SESTD1: variants seen among roughly 807,000 people sequenced by gnomAD.
The protein encoded by SESTD1 is SEC14 and spectrin domain containing 1, also known as SEC14 domain and spectrin repeat-containing protein 1.
A neutral mutation model predicts 101.7 loss-of-function variants in SESTD1; 43 were observed. The ratio of observed to expected loss-of-function variants is 0.42; its 90% CI spans 0.33 to 0.55. SESTD1 has a LOEUF of 0.55. SESTD1 is among the 20% of genes least tolerant of loss of function. SESTD1 has a pLI of 0.07. For missense variants in SESTD1, 647 were observed against 815.1 expected (o/e 0.79, Z 2.51); for synonymous variants, 283 against 286.8 (o/e 0.99, Z 0.13).
Position 179,151,395 on chromosome 2 carries a change from TA to T in SESTD1, c.370-5del. The T allele has an allele frequency of 2.5e-6, 4 of 1,580,106 alleles. No homozygotes were observed. Among genetic ancestry groups the T allele is most frequent in the East Asian group, 4.5e-5 (2 of 44,028 alleles). On this transcript the variant is annotated splice_region_variant and splice_polypyrimidine_tract_variant and intron_variant, in intron 5 of 17. Coordinates refer to ENST00000428443, the MANE Select transcript of SESTD1 (RefSeq NM_178123.5). ...TGTTGGCGGACACTAAAATAACCTA[TA>T]AAAAGGTTAAAAGAAAAGAAACATT... is the stretch of plus-strand genomic sequence containing the variant.
At chr2:179,188,246 G>T (rs1438447260) in intron 2 of SESTD1, among the ~76,000 whole-genome samples, 2 of 152,134 alleles carry the variant, frequency 1.3e-5, no homozygotes, top group African/African-American at 4.8e-5. Flanking sequence ...AGATCACAGT[G>T]TAACAGAAAT....
chr2:179,229,622 G>C (rs1220291730), intron 1 of SESTD1, among the ~76,000 whole-genome samples: 1 of 151,480 alleles, frequency 6.6e-6, no homozygotes, highest in Non-Finnish European at 1.5e-5. Flanking sequence ...ATACAAACAA[G>C]GACGGCGGTA....
chr2:179,207,561 G>T (rs2046605877), intron 1 of SESTD1, among the ~76,000 whole-genome samples: 1 of 134,830 alleles, frequency 7.4e-6, no homozygotes, highest in Non-Finnish European at 1.6e-5. Flanking sequence ...GACATCACAG[G>T]ACTCTTTGCA....
At chr2:179,257,167 T>C (rs2047409061) in intron 1 of SESTD1, among the ~76,000 whole-genome samples, 2 of 151,608 alleles carry the variant, frequency 1.3e-5, no homozygotes, top group Admixed American at 6.6e-5. Context: ...TTCTATGTCA[T>C]AGAATGAGGG....
intron 10 of SESTD1, among the ~76,000 whole-genome samples, chr2:179,127,478 C>T (rs17363267): frequency 6.6e-6 from 1 of 152,132 alleles, no homozygotes; most frequent in South Asian, 2.1e-4. Context: ...ACATTAATCA[C>T]TGTAGATTTA....
intron 1 of SESTD1, among the ~76,000 whole-genome samples, chr2:179,231,075 C>T (rs1350216998): frequency 6.6e-6 from 1 of 152,108 alleles, no homozygotes; most frequent in Non-Finnish European, 1.5e-5. Context: ...TTCCACCCAA[C>T]CTGTACTACC....
At chr2:179,139,848 C>T (rs563619886) in intron 9 of SESTD1, among the ~76,000 whole-genome samples, 1 of 152,140 alleles carries the variant, frequency 6.6e-6, no homozygotes, top group East Asian at 1.9e-4. Context: ...CAGAACTCCT[C>T]GAAGAGATGG....
At position 179,143,811 on chromosome 2, in the gene SESTD1, A is replaced by T. The variant is rs1375712987; in HGVS notation, c.638-8T>A. The T allele has an allele frequency of 1.2e-6, 2 of 1,609,582 alleles. No individual in the cohort carries two copies. Among genetic ancestry groups the T allele is most frequent in the Non-Finnish European group, 1.7e-6 (2 of 1,178,904 alleles). On this transcript the variant is annotated splice_region_variant and splice_polypyrimidine_tract_variant and intron_variant, in intron 8 of 17. Coordinates refer to ENST00000428443, the MANE Select transcript of SESTD1 (RefSeq NM_178123.5). ...CGGACAACAATTCATGCCCTTTACA[A>T]ATAAAAGATACTTGAAATTAATATC...
chr2:179,246,495 C>T (rs116251396), intron 1 of SESTD1, among the ~76,000 whole-genome samples: 86 of 152,148 alleles, frequency 5.7e-4, no homozygotes, highest in African/African-American at 2.0e-3. Flanking sequence ...CTCTCTTTCT[C>T]TCTCTCTCAA....
At chr2:179,110,774 A>G (rs1332358156) in intron 17 of SESTD1, among the ~76,000 whole-genome samples, 1 of 152,194 alleles carries the variant, frequency 6.6e-6, no homozygotes, top group Non-Finnish European at 1.5e-5. Context: ...TTACCATTAT[A>G]TTAATAATTA....
intron 5 of SESTD1, among the ~76,000 whole-genome samples, chr2:179,164,735 G>A (rs768262282): frequency 6.6e-6 from 1 of 152,086 alleles, no homozygotes; most frequent in East Asian, 1.9e-4. Context: ...AGGTTACCTA[G>A]AAGAAAAAAT....
chr2:179,218,913 T>C (rs1324327661), intron 1 of SESTD1, among the ~76,000 whole-genome samples: 1 of 152,164 alleles, frequency 6.6e-6, no homozygotes, highest in Non-Finnish European at 1.5e-5. Context: ...AAACATCTGA[T>C]GAATTAATGG....
intron 7 of SESTD1, 71 bp downstream of exon 7, chr2:179,149,223 TAAC>T (rs1268786512): frequency 1.4e-5 from 15 of 1,050,696 alleles, no homozygotes; most frequent in Admixed American, 2.9e-5. Context: ...TAGCTTGCAT[TAAC>T]AATAGAGATA....
Position 179,131,340 on chromosome 2 carries a change from A to AT in SESTD1, c.972+963dup, listed in dbSNP as rs200375967. 1.5e-3 allele frequency among the ~76,000 whole-genome samples: 229 copies of AT among 152,318 alleles called. 4 individuals carry two copies. The East Asian group carries it at 0.032, about 21-fold the overall frequency. Reference sequence around the variant, plus strand: ...TCAAATTTATTCCCAAGCAAACCATATTACTTATTCTTTAATCTTGTTTAG... The same window carrying AT: ...TCAAATTTATTCCCAAGCAAACCATATTTACTTATTCTTTAATCTTGTTTAG... On this transcript the variant is annotated intron_variant, in intron 10 of 17. Coordinates refer to ENST00000428443, the MANE Select transcript of SESTD1 (RefSeq NM_178123.5).
intron 5 of SESTD1, among the ~76,000 whole-genome samples, chr2:179,170,210 CAAA>C (rs538707127): frequency 1.1e-5 from 1 of 91,316 alleles, no homozygotes; most frequent in Non-Finnish European, 2.4e-5. Context: ...AATCAGAAAG[CAAA>C]AAAAAAAAAA....
chr2:179,191,569 CT>C (rs2046320795), intron 2 of SESTD1, among the ~76,000 whole-genome samples: 1 of 152,044 alleles, frequency 6.6e-6, no homozygotes, highest in Non-Finnish European at 1.5e-5. Context: ...CATGTACCCC[CT>C]GAATCTAAAA....
At chr2:179,195,781 C>T (rs889323701) in intron 1 of SESTD1, among the ~76,000 whole-genome samples, 3 of 148,694 alleles carry the variant, frequency 2.0e-5, no homozygotes, top group African/African-American at 7.5e-5. Context: ...TTAAAAGGAA[C>T]CAGGGAATAA....
rs184716198 is a variant in SESTD1 at position 179,141,216 on chromosome 2, T to C, written c.849+2376A>G. Among the ~76,000 whole-genome samples, 190 of 152,312 alleles carry C rather than the reference T, an allele frequency of 1.2e-3. 1 individual carries two copies. The highest frequency in any genetic ancestry group is 4.3e-3 in the African/African-American group (180 of 41,574). ...AAACCAAACTCATGATTCTCCACAC[T>C]ATTTTGCATCCACAGTAATATCCAA... On this transcript the variant is annotated intron_variant, in intron 9 of 17. Coordinates refer to ENST00000428443, the MANE Select transcript of SESTD1 (RefSeq NM_178123.5).
intron 1 of SESTD1, among the ~76,000 whole-genome samples, chr2:179,198,757 C>T (rs554412136): frequency 5.0e-4 from 76 of 152,098 alleles, no homozygotes; most frequent in African/African-American, 1.5e-3. Flanking sequence ...TTGAAACCAA[C>T]GAGAACACAG....
Sources: allele counts gnomAD v4.1 joint callset (sites outside exome capture counted in the v4.1 genomes callset), GRCh38; gene constraint gnomAD v4.1.1; transcripts MANE v1.5; gene names NCBI Gene and HGNC (gene_info 2026-07-23, HGNC 2026-07-21).